The following TEAD1 variants were observed in gnomAD, a reference collection of about 807,000 sequenced individuals.
The protein encoded by TEAD1 is TEA domain transcription factor 1, also known as transcriptional enhancer factor TEF-1.
A neutral mutation model predicts 54.9 loss-of-function variants in TEAD1; 9 were observed. That is an observed-to-expected ratio of 0.16 (90% CI 0.10 to 0.29). The LOEUF (loss-of-function observed/expected upper bound fraction) is 0.29, where lower values mean the gene tolerates loss of function less well. Among genes scored for constraint, TEAD1 ranks in the 10% least tolerant of loss-of-function variants. TEAD1 has a pLI of 1.00. For synonymous variants in TEAD1, 200 were observed against 187.8 expected, an observed-to-expected ratio of 1.07 and a Z score of -0.53; for missense variants, 387 against 535.9, an observed-to-expected ratio of 0.72 and a Z score of 2.74.
At chr11:12,752,881 C>G (rs896333517) in intron 2 of TEAD1, among the ~76,000 whole-genome samples, 1 of 151,502 alleles carries the variant, frequency 6.6e-6, no homozygotes, top group Non-Finnish European at 1.5e-5. Context: ...CTCACACTCT[C>G]TCAGGCCAGA....
chr11:12,729,075 C>T (rs1211172060), intron 2 of TEAD1, among the ~76,000 whole-genome samples: 2 of 152,218 alleles, frequency 1.3e-5, no homozygotes, highest in Non-Finnish European at 2.9e-5. Context: ...TTAGAGGAGC[C>T]TTGCCATTCA....
Position 12,930,186 on chromosome 11 carries a change from A to G in TEAD1, c.1027A>G (p.Arg343Gly), listed in dbSNP as rs1321485750. 2.5e-6 allele frequency: 4 copies of G among 1,614,238 alleles called. No homozygotes were observed. The highest frequency in any genetic ancestry group is 3.4e-6 in the Non-Finnish European group (4 of 1,180,044). Residue 343 changes from arginine (R) to glycine (G), a missense_variant, in exon 12 of 13, where the codon AGG becomes GGG. By Grantham distance (125) the Arg-to-Gly change is moderately radical. Coordinates refer to ENST00000527636, the MANE Select transcript of TEAD1 (RefSeq NM_021961.6). ...TTTTTCCTCACAGACGGAGTATGCA[A>G]GGTTTGAGAATGGCCGATTTGTATA...
chr11:12,762,360 A>G (rs1371860473), intron 2 of TEAD1, among the ~76,000 whole-genome samples: 1 of 133,784 alleles, frequency 7.5e-6, no homozygotes, highest in Non-Finnish European at 1.7e-5. Context: ...TTCAGTTTGA[A>G]TTTCATAAGA....
intron 10 of TEAD1, 58 bp from the exon 11 acceptor site, chr11:12,924,854 C>G: frequency 6.2e-7 from 1 of 1,607,412 alleles, no homozygotes; most frequent in Non-Finnish European, 8.5e-7. Flanking sequence ...AGTTACTGCT[C>G]GGTGCCATGA....
chr11:12,862,186 TCAAGGGC>T, intron 3 of TEAD1, 57 bp from the exon 4 acceptor site: 1 of 1,386,428 alleles, frequency 7.2e-7, no homozygotes, highest in Non-Finnish European at 1.0e-6. Context: ...TTTTTTGCTT[TCAAGGGC>T]TTTGTTGGTT....
intron 2 of TEAD1, among the ~76,000 whole-genome samples, chr11:12,758,408 T>C (rs1474863650): frequency 2.5e-4 from 35 of 140,064 alleles, no homozygotes; most frequent in African/African-American, 8.9e-4. Context: ...CCAGCTAGTT[T>C]TTTTTTTTTT....
chr11:12,675,221 G>A (rs1229984599), intron 1 of TEAD1, among the ~76,000 whole-genome samples, 188 bp from the exon 2 acceptor site: 1 of 151,686 alleles, frequency 6.6e-6, no homozygotes, highest in East Asian at 1.9e-4. Flanking sequence ...CGGAGCGAGC[G>A]CGGGCGGGCA....
chr11:12,794,916 G>C (rs1205507146), intron 3 of TEAD1, among the ~76,000 whole-genome samples: 1 of 152,232 alleles, frequency 6.6e-6, no homozygotes, highest in Non-Finnish European at 1.5e-5. Flanking sequence ...ATCCTGCCCT[G>C]AACAGCAGGG....
intron 3 of TEAD1, among the ~76,000 whole-genome samples, chr11:12,847,198 C>A (rs548428558): frequency 6.6e-6 from 1 of 151,394 alleles, no homozygotes; most frequent in East Asian, 1.9e-4. Context: ...GGGAGAGACT[C>A]AAGTCAACAG....
chr11:12,928,399 A>C (rs1037700714), intron 11 of TEAD1, among the ~76,000 whole-genome samples: 1 of 150,592 alleles, frequency 6.6e-6, no homozygotes, highest in Non-Finnish European at 1.5e-5. Flanking sequence ...CTCCCACCTC[A>C]GCCTCCTGAG....
At chr11:12,888,539 C>T (rs955336870) in intron 9 of TEAD1, among the ~76,000 whole-genome samples, 1 of 152,058 alleles carries the variant, frequency 6.6e-6, no homozygotes, top group African/African-American at 2.4e-5. Flanking sequence ...TACTTTGGTA[C>T]CACCAAAGCC....
chr11:12,898,695 C>T (rs180983389), intron 9 of TEAD1, among the ~76,000 whole-genome samples: 2 of 152,272 alleles, frequency 1.3e-5, no homozygotes, highest in Admixed American at 6.5e-5. Flanking sequence ...ATCCTGGCCC[C>T]TATCAAACAT....
intron 3 of TEAD1, among the ~76,000 whole-genome samples, chr11:12,803,785 C>T (rs1197973699): frequency 6.6e-6 from 1 of 152,166 alleles, no homozygotes; most frequent in Admixed American, 6.5e-5. Context: ...GCTAACGAGG[C>T]CCTATTAAGT....
At chr11:12,835,287 A>G (rs1432646781) in intron 3 of TEAD1, among the ~76,000 whole-genome samples, 2 of 152,158 alleles carry the variant, frequency 1.3e-5, no homozygotes, top group Admixed American at 6.5e-5. Context: ...TCTAGAATTT[A>G]TACTTGCAGA....
chr11:12,936,195 G>A (rs930883719), intron 12 of TEAD1, among the ~76,000 whole-genome samples: 1 of 152,306 alleles, frequency 6.6e-6, no homozygotes, highest in Admixed American at 6.5e-5. Context: ...AATAGCATGG[G>A]GAATTGAGAC....
Position 12,881,918 on chromosome 11 carries a change from G to C in TEAD1, c.535G>C (p.Ala179Pro), listed in dbSNP as rs746212135. The C allele has an allele frequency of 1.2e-6, 2 of 1,614,160 alleles. No individual in the cohort carries two copies. Among genetic ancestry groups the C allele is most frequent in the East Asian group, 4.5e-5 (2 of 44,862 alleles). Residue 179 changes from alanine to proline, a missense_variant, in exon 8 of 13, where the codon GCC (alanine) becomes CCC (proline). Coordinates refer to ENST00000527636, the MANE Select transcript of TEAD1 (RefSeq NM_021961.6). ...CAGCGTCAAGCCTTTTGTGCAGCAG[G>C]CCTACCCCATCCAGCCAGCGGTCAC...
chr11:12,904,988 A>C (rs1165977532), intron 10 of TEAD1: 1 of 171,014 alleles, frequency 5.8e-6, no homozygotes. Flanking sequence ...CCTGTGATCA[A>C]AAAGTTTGAG....
At chr11:12,811,646 G>T (rs886619606) in intron 3 of TEAD1, among the ~76,000 whole-genome samples, 4 of 152,142 alleles carry the variant, frequency 2.6e-5, no homozygotes, top group African/African-American at 9.7e-5. Flanking sequence ...GGTCTCTGGG[G>T]CAAGGCAGCT....
chr11:12,808,783 A>T (rs553558533), intron 3 of TEAD1, among the ~76,000 whole-genome samples: 1 of 152,212 alleles, frequency 6.6e-6, no homozygotes, highest in South Asian at 2.1e-4. Context: ...GTTGTCAGTT[A>T]TGTTTTCTTT....
Sources: gnomAD v4.1 joint callset for allele counts (sites outside exome capture counted in the v4.1 genomes callset) on GRCh38, gnomAD v4.1.1 for gene constraint, MANE v1.5 for transcripts, NCBI Gene and HGNC (gene_info 2026-07-23, HGNC 2026-07-21) for gene names.